ASTN1: variants seen among roughly 807,000 people sequenced by gnomAD.
The protein encoded by ASTN1 is astrotactin-1.
Under a neutral mutation model 140.7 loss-of-function variants are expected in ASTN1, and 41 were observed. The observed-to-expected ratio is 0.29, with a 90% CI of 0.23 to 0.38. The LOEUF (loss-of-function observed/expected upper bound fraction) is 0.38, where lower values mean the gene tolerates loss of function less well. Ranked by LOEUF, ASTN1 falls within the 10% of genes least tolerant of loss-of-function variation. ASTN1 has a pLI of 1.00. For synonymous variants in ASTN1, 640 were observed against 652.2 expected, an observed-to-expected ratio of 0.98 and a Z score of 0.29; for missense variants, 1,479 against 1,678.8, an observed-to-expected ratio of 0.88 and a Z score of 2.08.
At chr1:177,058,487 AT>A (rs1677918425) in intron 2 of ASTN1, among the ~76,000 whole-genome samples, 1 of 152,204 alleles carries the variant, frequency 6.6e-6, no homozygotes, top group Non-Finnish European at 1.5e-5. Flanking sequence ...CAAGTAGCAT[AT>A]GAAGGAGAGG....
chr1:177,098,308 A>T (rs1680130072), intron 1 of ASTN1, among the ~76,000 whole-genome samples: 2 of 151,524 alleles, frequency 1.3e-5, no homozygotes, highest in Admixed American at 1.3e-4. Flanking sequence ...GGCGTGAAAA[A>T]CCCCACACAT....
chr1:176,958,842 G>A (rs554766202), intron 9 of ASTN1, among the ~76,000 whole-genome samples: 24 of 152,270 alleles, frequency 1.6e-4, no homozygotes, highest in Middle Eastern at 6.8e-3. Flanking sequence ...ACCTCCCACC[G>A]TCCCCATCCC....
intron 1 of ASTN1, among the ~76,000 whole-genome samples, chr1:177,143,638 T>G (rs1391857659): frequency 9.9e-5 from 15 of 152,202 alleles, no homozygotes; most frequent in Admixed American, 9.8e-4. Flanking sequence ...CCACTTGAAA[T>G]GAAAGTCACT....
At chr1:177,084,027 T>A (rs1004796670) in intron 1 of ASTN1, among the ~76,000 whole-genome samples, 1 of 152,224 alleles carries the variant, frequency 6.6e-6, no homozygotes. Flanking sequence ...GGCATTGTCT[T>A]CTGTGGAGAT....
chr1:176,867,902 A>G (rs897160582), intron 22 of ASTN1, among the ~76,000 whole-genome samples: 3 of 151,436 alleles, frequency 2.0e-5, no homozygotes, highest in African/African-American at 7.3e-5. Flanking sequence ...AGGATTCTAT[A>G]GTGTTGATTT....
At chr1:177,037,017 A>G (rs1676750018) in intron 2 of ASTN1, among the ~76,000 whole-genome samples, 1 of 152,016 alleles carries the variant, frequency 6.6e-6, no homozygotes, top group African/African-American at 2.4e-5. Flanking sequence ...ACAGGGTTTG[A>G]CCATGTCGGG....
intron 1 of ASTN1, among the ~76,000 whole-genome samples, chr1:177,064,715 ATG>A (rs111450496): frequency 3.7e-4 from 57 of 152,378 alleles, no homozygotes; most frequent in African/African-American, 1.3e-3. Context: ...AGAGGGCACC[ATG>A]CCTACCAAGG....
chr1:176,988,369 T>C (rs1029621774), intron 8 of ASTN1, among the ~76,000 whole-genome samples: 2 of 151,682 alleles, frequency 1.3e-5, no homozygotes, highest in African/African-American at 4.8e-5. Context: ...TTGAACTTTG[T>C]CCAGGACAGT....
chr1:176,857,742 G>T (rs974744904), downstream of ASTN1: 1 of 423,932 alleles, frequency 2.4e-6, no homozygotes, highest in Non-Finnish European at 4.3e-6. Context: ...TTGGAAAATG[G>T]ATGTGAGAAC....
chr1:177,154,985 A>G (rs949339190), intron 1 of ASTN1, among the ~76,000 whole-genome samples: 1 of 152,358 alleles, frequency 6.6e-6, no homozygotes, highest in East Asian at 1.9e-4. Flanking sequence ...GTAAATGGAC[A>G]AACTATGGTA....
At chr1:177,104,099 C>T (rs1383728587) in intron 1 of ASTN1, among the ~76,000 whole-genome samples, 3 of 152,006 alleles carry the variant, frequency 2.0e-5, no homozygotes, top group African/African-American at 7.2e-5. Flanking sequence ...AGTACCCTCG[C>T]CCTGGCCTCT....
chr1:177,131,893 T>C lies in ASTN1; in HGVS notation c.283+32501A>G, dbSNP rs370307375. ...GTGATGATGGGGAAGCACGAGGCTC[T>C]TTTTAACAATCAGCTTCTGTGGGAA... On this transcript the variant is annotated intron_variant, in intron 1 of 22. Coordinates refer to ENST00000361833, the MANE Select transcript of ASTN1 (RefSeq NM_004319.3). 1.7e-4 allele frequency among the ~76,000 whole-genome samples: 26 copies of C among 152,284 alleles called. No individual in the cohort carries two copies. The East Asian group carries it at 3.7e-3, about 22-fold the overall frequency.
At chr1:177,024,335 A>G (rs762741900) in intron 6 of ASTN1, among the ~76,000 whole-genome samples, 9 of 152,220 alleles carry the variant, frequency 5.9e-5, no homozygotes, top group Non-Finnish European at 1.3e-4. Context: ...ACAGAGACGT[A>G]TTAAAAACAA....
At chr1:177,104,480 A>T (rs572035445) in intron 1 of ASTN1, among the ~76,000 whole-genome samples, 1 of 152,334 alleles carries the variant, frequency 6.6e-6, no homozygotes, top group East Asian at 1.9e-4. Context: ...TTATTGGACC[A>T]CATGTGTTTG....
chr1:176,954,885 G>T (rs549507743), intron 11 of ASTN1, among the ~76,000 whole-genome samples: 2 of 152,254 alleles, frequency 1.3e-5, no homozygotes, highest in South Asian at 4.1e-4. Flanking sequence ...GAACAATAGG[G>T]CAATTAACTG....
chr1:177,011,682 ACACACACACATACAC>A (rs1184818165), intron 8 of ASTN1, among the ~76,000 whole-genome samples: 1 of 151,424 alleles, frequency 6.6e-6, no homozygotes, highest in Admixed American at 6.6e-5. Flanking sequence ...ACATGCATGC[ACACACACACATACAC>A]CACACACATG....
At chr1:176,909,810 G>T (rs1170322442) in intron 16 of ASTN1, among the ~76,000 whole-genome samples, 1 of 152,136 alleles carries the variant, frequency 6.6e-6, no homozygotes, top group Non-Finnish European at 1.5e-5. Context: ...GTAAGACCCT[G>T]GGCGTATCTT....
chr1:177,002,503 A>C (rs1456052267), intron 8 of ASTN1, among the ~76,000 whole-genome samples: 1 of 151,858 alleles, frequency 6.6e-6, no homozygotes, highest in African/African-American at 2.4e-5. Flanking sequence ...GAGTATGAGC[A>C]CTCTCTAGGG....
At chr1:176,941,585 T>C (rs78344130) in intron 14 of ASTN1, among the ~76,000 whole-genome samples, 1,847 of 152,288 alleles carry the variant, frequency 0.012, 45 homozygotes, top group African/African-American at 0.041. Context: ...CAGGTTTGGA[T>C]CTTTCCTTGT....
Sources: gnomAD v4.1 joint callset for allele counts (sites outside exome capture counted in the v4.1 genomes callset) on GRCh38, gnomAD v4.1.1 for gene constraint, MANE v1.5 for transcripts, NCBI Gene and HGNC (gene_info 2026-07-23, HGNC 2026-07-21) for gene names.